Variants in ZMAT3 observed in about 807,000 individuals in gnomAD.
ZMAT3 encodes the protein zinc finger matrin-type protein 3.
A neutral mutation model predicts 32.3 loss-of-function variants in ZMAT3; 17 were observed. The observed-to-expected ratio is 0.53, with a 90% CI of 0.36 to 0.79. ZMAT3 has a LOEUF of 0.79. Ranked by LOEUF, ZMAT3 falls within the 30% of genes least tolerant of loss-of-function variation. The probability of loss-of-function intolerance (pLI) is 0.00; values close to 1 mark genes in which losing one functional copy is unlikely to be tolerated. For missense variants in ZMAT3, 329 were observed against 359.7 expected, an observed-to-expected ratio of 0.91 and a Z score of 0.69; for synonymous variants, 120 against 133.1, an observed-to-expected ratio of 0.90 and a Z score of 0.68.
rs1277852895 is a variant in ZMAT3 at position 179,021,898 on chromosome 3, A to G, written c.*3119T>C. On this transcript the variant is annotated 3_prime_UTR_variant, in exon 6 of 6. Transcript: ENST00000311417. The stretch of plus-strand genomic sequence containing the variant: ...TACTGCAAGGTAACAAGCTCAAAAC[A>G]TAACCTACTGTCATAGAGATTTGTG... 4 of 152,224 alleles carry G rather than the reference A, an allele frequency of 2.6e-5. No individual in the cohort carries two copies. In the East Asian group the frequency reaches 7.7e-4, roughly 29 times the overall value. 9.4% of individuals were successfully genotyped at this position (152,224 alleles called of 1,614,324 possible).
chr3:179,032,843 C>T (rs9830852), intron 2 of ZMAT3, among the ~76,000 whole-genome samples: 121,861 of 150,144 alleles, frequency 0.81, 49,788 homozygotes, highest in East Asian at 0.94. Context: ...CGTCTCCGCC[C>T]GGCAGCCACC....
chr3:179,071,536 C>A (rs531223917), intron 1 of ZMAT3, 59 bp downstream of exon 1: 1 of 152,388 alleles, frequency 6.6e-6, no homozygotes, highest in South Asian at 2.1e-4. Context: ...AACCGCTAGT[C>A]CCCGGCGCTC....
intron 2 of ZMAT3, among the ~76,000 whole-genome samples, chr3:179,036,512 C>T (rs540878624): frequency 2.6e-5 from 4 of 151,800 alleles, no homozygotes; most frequent in Admixed American, 6.6e-5. Flanking sequence ...AGGAGAAAGA[C>T]GCAGGAACTA....
At chr3:179,029,105 G>C (rs1719040774) in intron 3 of ZMAT3, among the ~76,000 whole-genome samples, 1 of 150,464 alleles carries the variant, frequency 6.6e-6, no homozygotes, top group Admixed American at 6.6e-5. Context: ...AGGTTGCAGT[G>C]AGCCCAGCAC....
rs139670154 is a variant in ZMAT3, at chr3:179,017,596, TAC to T, written c.*7419_*7420del. ...GAAAATTTTAATAAACAACCCTAAT[TAC>T]ACACAGTTTGGGCTGACATTTTTTA... On this transcript the variant is annotated 3_prime_UTR_variant, in exon 6 of 6. Transcript: ENST00000311417. 36 of 152,244 alleles carry T rather than the reference TAC, an allele frequency of 2.4e-4. No homozygotes were observed. In the East Asian group the frequency reaches 6.4e-3, roughly 27 times the overall value. The allele number at this position is 152,244 out of a possible 1,614,324, so 9.4% of individuals were successfully genotyped here.
At chr3:179,069,249 A>C (rs910896902) in intron 1 of ZMAT3, among the ~76,000 whole-genome samples, 24 of 152,102 alleles carry the variant, frequency 1.6e-4, no homozygotes, top group Non-Finnish European at 3.5e-4. Flanking sequence ...CTTCTTAACA[A>C]ATAACTGATA....
rs1301159568 is a variant in ZMAT3, at chr3:179,027,944, A to G, written c.391-132T>C. The G allele has an allele frequency of 5.4e-5, 48 of 889,762 alleles. 1 individual carries two copies. In the East Asian group the frequency reaches 6.9e-4, roughly 13 times the overall value. 55.1% of individuals were successfully genotyped at this position (889,762 alleles called of 1,614,324 possible). On this transcript the variant is annotated intron_variant, in intron 3 of 5. Coordinates refer to ENST00000311417, the MANE Select transcript of ZMAT3 (RefSeq NM_022470.4). ...TGACCACAAGCATTAAGCTTCATCA[A>G]GAAAATAATTCAATCCAGGAAAACA...
chr3:179,047,501 A>G (rs1405316399), intron 2 of ZMAT3, among the ~76,000 whole-genome samples: 1 of 152,266 alleles, frequency 6.6e-6, no homozygotes, highest in African/African-American at 2.4e-5. Flanking sequence ...ATCCAAACCA[A>G]GGTGAAATAT....
chr3:179,051,533 G>A (rs1337675738), intron 2 of ZMAT3, among the ~76,000 whole-genome samples: 1 of 152,162 alleles, frequency 6.6e-6, no homozygotes, highest in African/African-American at 2.4e-5. Context: ...CACAAACCAT[G>A]CTCATGATGG....
Position 179,046,183 on chromosome 3 carries a change from A to G in ZMAT3, c.271-15184T>C, listed in dbSNP as rs569288981. On this transcript the variant is annotated intron_variant, in intron 2 of 5. Transcript: ENST00000311417. The surrounding 1 kb of genome is among the most constrained non-coding windows in gnomAD (Gnocchi z 4.3). ...AGAACAGCTGATACAGGAGCTGAAG[A>G]GCATGACTACAGGAACACAGTCCAT... Among the ~76,000 whole-genome samples the G allele has an allele frequency of 1.3e-5, 2 of 152,348 alleles. No individual in the cohort carries two copies. Among genetic ancestry groups the G allele is most frequent in the South Asian group, 4.1e-4 (2 of 4,832 alleles).
chr3:179,056,795 T>C (rs1458967250), intron 2 of ZMAT3, among the ~76,000 whole-genome samples: 4 of 152,206 alleles, frequency 2.6e-5, no homozygotes, highest in Admixed American at 1.3e-4. Flanking sequence ...AGTCACTAGA[T>C]ACTTCTCCCA....
intron 1 of ZMAT3, among the ~76,000 whole-genome samples, chr3:179,070,455 C>T (rs1721651253): frequency 6.6e-6 from 1 of 152,182 alleles, no homozygotes; most frequent in South Asian, 2.1e-4. Context: ...TTATATTTAA[C>T]AATCAACACA....
At chr3:179,026,379 CTTTTTT>C (rs1235818885) in intron 5 of ZMAT3, among the ~76,000 whole-genome samples, 7 of 65,894 alleles carry the variant, frequency 1.1e-4, no homozygotes, top group East Asian at 4.8e-4. Context: ...ATGAATTGTG[CTTTTTT>C]TTTTTTTTTT....
intron 2 of ZMAT3, among the ~76,000 whole-genome samples, chr3:179,039,734 G>T (rs111638255): frequency 6.6e-6 from 1 of 152,176 alleles, no homozygotes; most frequent in Non-Finnish European, 1.5e-5. Flanking sequence ...TGACTCTGAC[G>T]AGGTGACAGA....
At position 179,022,248 on chromosome 3, in the gene ZMAT3, T is replaced by C. The variant is rs1576830621; in HGVS notation, c.*2769A>G. On this transcript the variant is annotated 3_prime_UTR_variant, in exon 6 of 6. Transcript: ENST00000311417. The stretch of plus-strand genomic sequence containing the variant: ...TTAAGTCGGCTGCTTTTTCTACGTA[T>C]ATAATGAAATTGTTAAGTGGAGAGA... The C allele has an allele frequency of 6.6e-6, 1 of 152,214 alleles. No homozygotes were observed. Among genetic ancestry groups the C allele is most frequent in the African/African-American group, 2.4e-5 (1 of 41,448 alleles). 9.4% of individuals were successfully genotyped at this position (152,214 alleles called of 1,614,324 possible). A position where few individuals can be genotyped will look rare whatever the true frequency, so the allele number is the denominator to read the frequency against.
chr3:179,051,195 C>T (rs1034246049), intron 2 of ZMAT3, among the ~76,000 whole-genome samples: 2 of 152,184 alleles, frequency 1.3e-5, no homozygotes, highest in Non-Finnish European at 2.9e-5. Context: ...GGAAGTCAAA[C>T]TGTCACTGTT....
At chr3:179,057,731 C>T (rs1576871696) in intron 2 of ZMAT3, among the ~76,000 whole-genome samples, 1 of 152,214 alleles carries the variant, frequency 6.6e-6, no homozygotes, top group Non-Finnish European at 1.5e-5. Context: ...AGGAACGTAT[C>T]CAGCCTATAC....
Position 179,025,202 on chromosome 3 carries a change from G to C in ZMAT3, c.685C>G (p.Arg229Gly). Reference protein sequence around the residue: ...SAGPYFNPRSRQRIPRDLAMC... With the variant: ...SAGPYFNPRSGQRIPRDLAMC... ...GCCAGATCACGTGGAATTCTCTGCC[G>C]AGAGCGGGGATTGAAGTAAGGACCT... Residue 229 changes from arginine to glycine, a missense_variant, in exon 6 of 6, where the codon CGG becomes GGG. By Grantham distance (125) the Arg-to-Gly change is moderately radical. Transcript: ENST00000311417. The C allele has an allele frequency of 1.2e-6, 2 of 1,614,016 alleles. No homozygotes were observed. Among genetic ancestry groups the C allele is most frequent in the Non-Finnish European group, 1.7e-6 (2 of 1,179,936 alleles).
At chr3:179,031,199 C>T (rs1719165809) in intron 2 of ZMAT3, among the ~76,000 whole-genome samples, 200 bp from the exon 3 acceptor site, 1 of 150,186 alleles carries the variant, frequency 6.7e-6, no homozygotes, top group African/African-American at 2.5e-5. Context: ...CTTACTAGCC[C>T]AATTTATAAA....
Sources: gnomAD v4.1 joint callset for allele counts (sites outside exome capture counted in the v4.1 genomes callset) on GRCh38, gnomAD v4.1.1 for gene constraint, Gnocchi (gnomAD v3.1) non-coding constraint, MANE v1.5 for transcripts, NCBI Gene and HGNC (gene_info 2026-07-23, HGNC 2026-07-21) for gene names.